The following ABCB9 variants were observed in gnomAD, a reference collection of about 807,000 sequenced individuals.
ABCB9 encodes ABC-type oligopeptide transporter ABCB9.
In ABCB9, 36 loss-of-function variants were observed where a neutral mutation model predicts 62.0. The ratio of observed to expected loss-of-function variants is 0.58; its 90% CI spans 0.45 to 0.77. The LOEUF is 0.77. Ranked by LOEUF, ABCB9 falls within the 30% of genes least tolerant of loss-of-function variation. The pLI, the probability that ABCB9 is intolerant of heterozygous loss-of-function variation, is 0.00. For missense variants in ABCB9, 943 were observed against 1,054.7 expected, an observed-to-expected ratio of 0.89 and a Z score of 1.47; for synonymous variants, 435 against 461.4, an observed-to-expected ratio of 0.94 and a Z score of 0.73.
chr12:122,974,661 T>C (rs1445338126), intron 1 of ABCB9: 1 of 152,134 alleles, frequency 6.6e-6, no homozygotes, highest in Non-Finnish European at 1.5e-5. Context: ...CCGCGTCCAT[T>C]GGGAACGCCA....
At chr12:122,973,578 GAAAAAAA>G (rs57853191) in intron 1 of ABCB9, among the ~76,000 whole-genome samples, 236 of 50,322 alleles carry the variant, frequency 4.7e-3, no homozygotes, top group African/African-American at 0.016. Flanking sequence ...CTCAAAAAAA[GAAAAAAA>G]AAAAAAAAAA....
chr12:122,948,959 G>T, intron 4 of ABCB9, 130 bp from the exon 5 acceptor site: 5 of 674,942 alleles, frequency 7.4e-6, no homozygotes, highest in Non-Finnish European at 1.1e-5. Context: ...GGGTTGGGGG[G>T]TGGGGGAGAA....
At chr12:122,926,163 G>A (rs1240642133), downstream of ABCB9, among the ~76,000 whole-genome samples, 1 of 152,180 alleles carries the variant, frequency 6.6e-6, no homozygotes, top group Non-Finnish European at 1.5e-5. Context: ...ATTAGATAAT[G>A]ATGATGGTTA....
chr12:122,954,311 C>T (rs576347823), intron 2 of ABCB9, among the ~76,000 whole-genome samples: 155 of 152,168 alleles, frequency 1.0e-3, no homozygotes, highest in African/African-American at 3.2e-3. Context: ...TGGGTTCAAG[C>T]GATTCTCCTG....
intron 2 of ABCB9, among the ~76,000 whole-genome samples, chr12:122,955,050 G>A (rs918702545): frequency 6.6e-6 from 1 of 152,040 alleles, no homozygotes; most frequent in African/African-American, 2.4e-5. Flanking sequence ...TCCCTCCTTG[G>A]CCACCCAAGT....
chr12:122,928,845 C>T, downstream of ABCB9: 2 of 202,304 alleles, frequency 9.9e-6, no homozygotes, highest in Non-Finnish European at 1.8e-5. Context: ...GGGAGGAGTG[C>T]AGATGGGGCT....
intron 6 of ABCB9, among the ~76,000 whole-genome samples, chr12:122,945,402 TC>T (rs2035979787): frequency 6.6e-6 from 1 of 152,024 alleles, no homozygotes; most frequent in African/African-American, 2.4e-5. Flanking sequence ...TGTGACGCAC[TC>T]CCGGGAGTGT....
intron 10 of ABCB9, among the ~76,000 whole-genome samples, chr12:122,933,095 A>G (rs986829308): frequency 6.6e-6 from 1 of 152,022 alleles, no homozygotes; most frequent in Non-Finnish European, 1.5e-5. Context: ...GTCTCACTAC[A>G]TTGCCCAAGC....
chr12:122,953,686 T>A (rs2135881954), intron 2 of ABCB9, among the ~76,000 whole-genome samples: 1 of 152,210 alleles, frequency 6.6e-6, no homozygotes, highest in Admixed American at 6.5e-5. Flanking sequence ...GCACCTGGCC[T>A]AAATTTTATA....
At chr12:122,921,748 C>G (rs891221232) in intron 11 of ABCB9, among the ~76,000 whole-genome samples, 50 of 152,206 alleles carry the variant, frequency 3.3e-4, no homozygotes, top group Non-Finnish European at 8.8e-5. Context: ...CTGCACTCTA[C>G]CCTGGGAGAC....
At chr12:122,924,170 C>T (rs1314203023), downstream of ABCB9, among the ~76,000 whole-genome samples, 1 of 152,194 alleles carries the variant, frequency 6.6e-6, no homozygotes, top group Non-Finnish European at 1.5e-5. Flanking sequence ...GAAATACACT[C>T]TCCAGACGAA....
At chr12:122,946,332 T>G (rs1477630349) in intron 5 of ABCB9, 110 bp from the exon 6 acceptor site, 1 of 1,082,668 alleles carries the variant, frequency 9.2e-7, no homozygotes, top group African/African-American at 1.6e-5. Flanking sequence ...ACCAGCTATA[T>G]GCAAGAGGTT....
At chr12:122,928,198 G>T (rs1233922087), downstream of ABCB9, among the ~76,000 whole-genome samples, 1 of 152,158 alleles carries the variant, frequency 6.6e-6, no homozygotes, top group Non-Finnish European at 1.5e-5. Context: ...GGCCAGGCGC[G>T]GTGGCTCACG....
intron 2 of ABCB9, 130 bp from the exon 3 acceptor site, chr12:122,950,695 A>G (rs970758650): frequency 2.7e-6 from 2 of 729,710 alleles, no homozygotes; most frequent in African/African-American, 1.8e-5. Context: ...CCCTCGGCAA[A>G]CTCTTGCTGC....
intron 2 of ABCB9, among the ~76,000 whole-genome samples, chr12:122,957,103 G>A (rs1594060479): frequency 2.0e-5 from 3 of 151,436 alleles, no homozygotes; most frequent in Non-Finnish European, 2.9e-5. Flanking sequence ...GGGCAGTGGC[G>A]TCATCATGGC....
intron 9 of ABCB9, among the ~76,000 whole-genome samples, chr12:122,937,670 T>G (rs1361054188): frequency 6.6e-6 from 1 of 152,204 alleles, no homozygotes; most frequent in African/African-American, 2.4e-5. Context: ...TTCACAACAA[T>G]CTACCTCTGG....
At chr12:122,962,093 G>A (rs949730483) in intron 1 of ABCB9, among the ~76,000 whole-genome samples, 4 of 152,080 alleles carry the variant, frequency 2.6e-5, no homozygotes, top group Non-Finnish European at 5.9e-5. Context: ...GTTGGCCCTC[G>A]TGCCCAGCCC....
chr12:122,944,693 C>T lies in ABCB9; in HGVS notation c.1252-174G>A. 1.2e-6 allele frequency: 1 copy of T among 859,830 alleles called. No individual in the cohort carries two copies. Among genetic ancestry groups the T allele is most frequent in the Non-Finnish European group, 1.7e-6 (1 of 581,736 alleles). 53.3% of individuals were successfully genotyped at this position (859,830 alleles called of 1,614,324 possible). A position where few individuals can be genotyped will look rare whatever the true frequency, so the allele number is the denominator to read the frequency against. ...GGCTTGTCACTCATGCCTTCCCCTG[C>T]CCCGAGCATTTCCCTACAGAGGCCT... On this transcript the variant is annotated intron_variant, in intron 6 of 11. Coordinates refer to ENST00000280560, the MANE Select transcript of ABCB9 (RefSeq NM_019625.4). This position sits in a 1 kb window ranked among gnomAD's most constrained non-coding sequence, Gnocchi z 4.9.
At chr12:122,925,709 C>T (rs964584282), downstream of ABCB9, among the ~76,000 whole-genome samples, 4 of 152,150 alleles carry the variant, frequency 2.6e-5, no homozygotes, top group Non-Finnish European at 4.4e-5. Flanking sequence ...GATTGCATCA[C>T]CGCACTCCAA....
Sources: allele counts gnomAD v4.1 joint callset (sites outside exome capture counted in the v4.1 genomes callset), GRCh38; gene constraint gnomAD v4.1.1; non-coding constraint Gnocchi (gnomAD v3.1); transcripts MANE v1.5; gene names NCBI Gene and HGNC (gene_info 2026-07-23, HGNC 2026-07-21).